Variants in TP53BP1 observed in about 807,000 individuals in gnomAD.
The protein encoded by TP53BP1 is TP53-binding protein 1.
A neutral mutation model predicts 200.8 loss-of-function variants in TP53BP1; 61 were observed. That is an observed-to-expected ratio of 0.30 (90% confidence interval 0.25 to 0.38). The LOEUF (loss-of-function observed/expected upper bound fraction) is 0.38, where lower values mean the gene tolerates loss of function less well. Ranked by LOEUF, TP53BP1 falls within the 10% of genes least tolerant of loss-of-function variation. TP53BP1 has a pLI of 1.00. For synonymous variants in TP53BP1, 822 were observed against 844.3 expected (o/e 0.97, Z 0.46); for missense variants, 2,144 against 2,371.9 (o/e 0.90, Z 2.00).
chr15:43,422,344 T>C (rs1249274805), intron 18 of TP53BP1, among the ~76,000 whole-genome samples: 1 of 152,156 alleles, frequency 6.6e-6, no homozygotes, highest in Admixed American at 6.5e-5. Context: ...ATCTGTTCTT[T>C]TTTTTTTCTC....
At chr15:43,415,235 TTCACTC>T in intron 23 of TP53BP1, 1 of 218,062 alleles carries the variant, frequency 4.6e-6, no homozygotes, top group South Asian at 7.7e-5. Context: ...GAGACCAAGT[TTCACTC>T]TTGTTGCCCA....
At chr15:43,485,362 G>A (rs2079030931) in intron 4 of TP53BP1, among the ~76,000 whole-genome samples, 1 of 151,902 alleles carries the variant, frequency 6.6e-6, no homozygotes, top group Non-Finnish European at 1.5e-5. Flanking sequence ...CGGATCACGA[G>A]GTCAGGAGAT....
chr15:43,504,063 T>C (rs969761515), intron 1 of TP53BP1, among the ~76,000 whole-genome samples: 3 of 152,232 alleles, frequency 2.0e-5, no homozygotes, highest in South Asian at 2.1e-4. Flanking sequence ...GATGGGAGGA[T>C]TGCTTGAGGC....
chr15:43,425,823 C>T (rs530782563), intron 18 of TP53BP1, among the ~76,000 whole-genome samples: 1 of 152,156 alleles, frequency 6.6e-6, no homozygotes, highest in African/African-American at 2.4e-5. Flanking sequence ...CATTTTTAAT[C>T]GGGAGGCTGA....
intron 26 of TP53BP1, chr15:43,408,307 A>G (rs2044987651): frequency 2.1e-6 from 1 of 477,966 alleles, no homozygotes. Context: ...GTGAGACCCC[A>G]TCTCTACAAA....
upstream of TP53BP1, chr15:43,497,423 T>A (rs1477428009): frequency 1.0e-6 from 1 of 985,262 alleles, no homozygotes; most frequent in African/African-American, 1.7e-5. Flanking sequence ...ACGTCTGTAG[T>A]GTCTGATGCT....
chr15:43,408,828 A>G, intron 26 of TP53BP1, 69 bp downstream of exon 26: 1 of 1,493,830 alleles, frequency 6.7e-7, no homozygotes, highest in South Asian at 1.1e-5. Context: ...TCTCTCACCT[A>G]GATTCTCTTC....
Position 43,406,140 on chromosome 15 carries a change from G to C in TP53BP1, c.*1243C>G, listed in dbSNP as rs2044867254. 6.6e-6 allele frequency: 1 copy of C among 150,908 alleles called. No individual in the cohort carries two copies. Among genetic ancestry groups the C allele is most frequent in the South Asian group, 2.1e-4 (1 of 4,788 alleles). The allele number at this position is 150,908 out of a possible 1,614,324, so 9.3% of individuals were successfully genotyped here. On this transcript the variant is annotated 3_prime_UTR_variant, in exon 28 of 28. Coordinates refer to ENST00000382044, the MANE Select transcript of TP53BP1 (RefSeq NM_001141980.3). The stretch of plus-strand genomic sequence containing the variant: ...GTTAGATTTTTAAATACTGAAGATT[G>C]CAGGCCCAATTACCCATCTTACACA...
At chr15:43,440,441 G>T (rs2143001867) in intron 15 of TP53BP1, among the ~76,000 whole-genome samples, 1 of 152,112 alleles carries the variant, frequency 6.6e-6, no homozygotes, top group East Asian at 1.9e-4. Flanking sequence ...TGTGGACCCG[G>T]GAGGCGGAGC....
chr15:43,454,369 CT>C (rs34866809), intron 12 of TP53BP1, among the ~76,000 whole-genome samples: 41,595 of 147,346 alleles, frequency 0.28, 9,804 homozygotes, highest in African/African-American at 0.65. Context: ...TATAATAACT[CT>C]TTTTTTTTTT....
intron 1 of TP53BP1, among the ~76,000 whole-genome samples, chr15:43,507,916 T>C (rs1470302922): frequency 6.6e-6 from 1 of 152,146 alleles, no homozygotes; most frequent in East Asian, 1.9e-4. Flanking sequence ...GGTTCCATTA[T>C]GTACCCCAGG....
At chr15:43,445,483 T>G (rs1458096726) in intron 14 of TP53BP1, among the ~76,000 whole-genome samples, 1 of 152,150 alleles carries the variant, frequency 6.6e-6, no homozygotes, top group Non-Finnish European at 1.5e-5. Flanking sequence ...TTTTACAAAT[T>G]ACCTGAAATG....
chr15:43,428,199 G>T (rs1428630453), intron 17 of TP53BP1, 31 bp from the exon 18 acceptor site: 1 of 1,600,068 alleles, frequency 6.2e-7, no homozygotes, highest in East Asian at 2.2e-5. Flanking sequence ...CATAAGCACA[G>T]GTCTCACTGC....
chr15:43,464,679 G>C (rs1484787964), intron 11 of TP53BP1, among the ~76,000 whole-genome samples: 1 of 151,950 alleles, frequency 6.6e-6, no homozygotes, highest in African/African-American at 2.4e-5. Flanking sequence ...CGAGACAGGC[G>C]GATCACCTGA....
At chr15:43,413,524 A>G (rs970319751) in intron 23 of TP53BP1, among the ~76,000 whole-genome samples, 190 bp from the exon 24 acceptor site, 1 of 152,210 alleles carries the variant, frequency 6.6e-6, no homozygotes, top group Non-Finnish European at 1.5e-5. Context: ...CCTAGGATAA[A>G]ATTTACAACA....
chr15:43,495,390 T>C (rs1283862861), upstream of TP53BP1, among the ~76,000 whole-genome samples: 1 of 151,358 alleles, frequency 6.6e-6, no homozygotes, highest in African/African-American at 2.4e-5. Context: ...TCCCAGCTAC[T>C]CAGGAGGCTG....
At chr15:43,478,519 C>A (rs2078915843) in intron 7 of TP53BP1, among the ~76,000 whole-genome samples, 1 of 152,178 alleles carries the variant, frequency 6.6e-6, no homozygotes, top group Non-Finnish European at 1.5e-5. Flanking sequence ...ATCCCCTATC[C>A]CAAACTGGAA....
intron 25 of TP53BP1, chr15:43,409,389 T>TACTA: frequency 3.6e-6 from 2 of 554,802 alleles, no homozygotes; most frequent in Non-Finnish European, 6.4e-6. Context: ...TAGGGGTTTC[T>TACTA]ACTACTAAAC....
intron 1 of TP53BP1, among the ~76,000 whole-genome samples, chr15:43,500,278 C>T (rs1349277911): frequency 6.6e-6 from 1 of 152,164 alleles, no homozygotes; most frequent in African/African-American, 2.4e-5. Flanking sequence ...CTTCTGGTTG[C>T]TTATAACAAA....
Sources: gnomAD v4.1 joint callset for allele counts (sites outside exome capture counted in the v4.1 genomes callset) on GRCh38, gnomAD v4.1.1 for gene constraint, MANE v1.5 for transcripts, NCBI Gene and HGNC (gene_info 2026-07-23, HGNC 2026-07-21) for gene names.